ASIC2: variants seen among roughly 807,000 people sequenced by gnomAD.
The protein encoded by ASIC2 is acid-sensing ion channel 2.
A neutral mutation model predicts 57.3 loss-of-function variants in ASIC2; 25 were observed. That is an observed-to-expected ratio of 0.44 (90% CI 0.32 to 0.61). ASIC2 has a LOEUF of 0.61. Among genes scored for constraint, ASIC2 ranks in the 20% least tolerant of loss-of-function variants. The pLI is 0.06. For synonymous variants in ASIC2, 319 were observed against 307.5 expected (o/e 1.04, Z -0.39); for missense variants, 641 against 738.1 (o/e 0.87, Z 1.52).
intron 1 of ASIC2, among the ~76,000 whole-genome samples, chr17:33,855,730 A>G (rs1197352927): frequency 6.6e-6 from 1 of 152,086 alleles, no homozygotes; most frequent in African/African-American, 2.4e-5. Flanking sequence ...CATTCTGAGG[A>G]TTGTGCTCCC....
intron 1 of ASIC2, among the ~76,000 whole-genome samples, chr17:33,880,479 C>T (rs1345956950): frequency 6.6e-6 from 1 of 152,170 alleles, no homozygotes; most frequent in Non-Finnish European, 1.5e-5. Flanking sequence ...CTATAAACAC[C>T]TCTATGCAAA....
At chr17:33,195,315 A>C (rs2142072378) in intron 1 of ASIC2, among the ~76,000 whole-genome samples, 1 of 152,102 alleles carries the variant, frequency 6.6e-6, no homozygotes, top group South Asian at 2.1e-4. Context: ...AGGGGAAAGC[A>C]CTCCATATCT....
chr17:33,606,112 C>T (rs1214731885), intron 1 of ASIC2, among the ~76,000 whole-genome samples: 1 of 152,198 alleles, frequency 6.6e-6, no homozygotes, highest in Non-Finnish European at 1.5e-5. Context: ...TTAGTCTTCT[C>T]AGCTACCACC....
At chr17:33,185,682 C>T (rs1463368657) in intron 1 of ASIC2, among the ~76,000 whole-genome samples, 1 of 152,156 alleles carries the variant, frequency 6.6e-6, no homozygotes, top group Non-Finnish European at 1.5e-5. Context: ...CAGAGATCTG[C>T]AGAAGGTCTC....
intron 2 of ASIC2, among the ~76,000 whole-genome samples, chr17:33,090,710 A>T (rs2092154453): frequency 6.6e-6 from 1 of 152,176 alleles, no homozygotes; most frequent in South Asian, 2.1e-4. Flanking sequence ...GGCTGGGTCC[A>T]GCCACGGGAA....
At chr17:33,360,542 C>T (rs1016387223) in intron 1 of ASIC2, among the ~76,000 whole-genome samples, 1 of 152,218 alleles carries the variant, frequency 6.6e-6, no homozygotes, top group African/African-American at 2.4e-5. Context: ...AGATCCTAAG[C>T]TCTTTCTTTG....
rs1911432662 is a variant in ASIC2 at position 34,116,697 on chromosome 17, C to T, written c.555+39281G>A. Among the ~76,000 whole-genome samples, 3 of 152,050 alleles carry T rather than the reference C, an allele frequency of 2.0e-5. No homozygotes were observed. The South Asian group carries it at 6.2e-4, about 32-fold the overall frequency. ...AGGGGTGAGATTTAAAAGATGCCAC[C>T]CACAAGCTTGTGATTGTTGTTAGTA... is the stretch of plus-strand genomic sequence containing the variant. On this transcript the variant is annotated intron_variant, in intron 1 of 9. Coordinates refer to the ASIC2 transcript ENST00000359872.
At chr17:34,009,760 CT>C (rs1802814315) in intron 1 of ASIC2, among the ~76,000 whole-genome samples, 1 of 152,162 alleles carries the variant, frequency 6.6e-6, no homozygotes, top group African/African-American at 2.4e-5. Context: ...TCTTGCCCAT[CT>C]CATTGGCAAT....
At chr17:33,722,921 A>G (rs1221808198) in intron 1 of ASIC2, among the ~76,000 whole-genome samples, 3 of 152,258 alleles carry the variant, frequency 2.0e-5, no homozygotes. Flanking sequence ...GCTGAAAAAT[A>G]GCAAATATTC....
intron 3 of ASIC2, among the ~76,000 whole-genome samples, chr17:33,066,010 C>G (rs2092041935): frequency 6.6e-6 from 1 of 152,112 alleles, no homozygotes; most frequent in Non-Finnish European, 1.5e-5. Context: ...CCCCTCCCAA[C>G]CTACAACAGA....
chr17:33,282,222 T>C (rs1006914043), intron 1 of ASIC2, among the ~76,000 whole-genome samples: 3 of 152,316 alleles, frequency 2.0e-5, no homozygotes, highest in Non-Finnish European at 4.4e-5. Context: ...TCAAACAACA[T>C]ACATTTATTA....
At chr17:33,310,847 T>C (rs923681170) in intron 1 of ASIC2, among the ~76,000 whole-genome samples, 5 of 152,250 alleles carry the variant, frequency 3.3e-5, no homozygotes, top group Non-Finnish European at 7.3e-5. Context: ...TAGAGATACA[T>C]AAATGTATAT....
chr17:33,982,132 G>T (rs1567777972), intron 1 of ASIC2, among the ~76,000 whole-genome samples: 1 of 152,226 alleles, frequency 6.6e-6, no homozygotes, highest in East Asian at 1.9e-4. Context: ...GGCTGAGCCA[G>T]TTCATGCCTG....
intron 1 of ASIC2, among the ~76,000 whole-genome samples, chr17:33,250,044 G>C (rs1908827668): frequency 6.6e-6 from 1 of 152,174 alleles, no homozygotes; most frequent in Admixed American, 6.5e-5. Context: ...CACTTCTAGG[G>C]AGTAATCCTG....
intron 1 of ASIC2, among the ~76,000 whole-genome samples, chr17:33,737,287 A>G (rs117516277): frequency 0.018 from 2,726 of 152,266 alleles, 10 homozygotes; most frequent in South Asian, 0.031. Context: ...TTTCCAAGCC[A>G]CAGCCTTAGC....
chr17:33,792,166 G>A (rs1274646124), intron 1 of ASIC2: 2 of 152,168 alleles, frequency 1.3e-5, no homozygotes, highest in African/African-American at 2.4e-5. Context: ...TTACACAAAT[G>A]AGAGTATTGA....
intron 1 of ASIC2, among the ~76,000 whole-genome samples, chr17:34,057,654 A>G (rs1198780540): frequency 6.6e-6 from 1 of 152,190 alleles, no homozygotes; most frequent in Admixed American, 6.5e-5. Context: ...GAAGTAAGGA[A>G]AAAGAGGGCG....
Position 33,291,549 on chromosome 17 carries a change from C to T in ASIC2, c.567G>A (p.Ala189=). The T allele has an allele frequency of 1.9e-6, 3 of 1,611,952 alleles. No individual in the cohort carries two copies. Among genetic ancestry groups the T allele is most frequent in the South Asian group, 1.1e-5 (1 of 91,058 alleles). The change falls in exon 1 of 10, where the codon GCG becomes GCA. Residue 189 remains alanine, a synonymous_variant. Coordinates refer to ENST00000225823, the MANE Select transcript of ASIC2 (RefSeq NM_183377.2). The stretch of plus-strand genomic sequence containing the variant: ...GCGGAGGCAGGAAGAGGCGGAAGTC[C>T]GCCAGCTTGCGGAACCACTGGCGGC... The part of the protein sequence containing the change: ...EPRRQWFRKL[A]DFRLFLPPRH...
intron 1 of ASIC2, among the ~76,000 whole-genome samples, chr17:33,151,179 A>ACG (rs1207581221): frequency 1.7e-5 from 2 of 115,618 alleles, no homozygotes; most frequent in Admixed American, 1.6e-4. Context: ...ACACACACAC[A>ACG]CGCACACACA....
Sources: gnomAD v4.1 joint callset for allele counts (sites outside exome capture counted in the v4.1 genomes callset) on GRCh38, gnomAD v4.1.1 for gene constraint, MANE v1.5 for transcripts, NCBI Gene and HGNC (gene_info 2026-07-23, HGNC 2026-07-21) for gene names.